Variants in ANO10 observed in about 807,000 individuals in gnomAD.
The protein encoded by ANO10 is anoctamin 10.
ANO10 carries 77 observed loss-of-function variants against 74.7 expected under a neutral mutation model. That is an observed-to-expected ratio of 1.03 (90% CI 0.86 to 1.25). The LOEUF (loss-of-function observed/expected upper bound fraction) is 1.25. Among genes scored for constraint, ANO10 ranks in the 50% most tolerant of loss-of-function variants. The pLI is 0.00. For synonymous variants in ANO10, 279 were observed against 284.9 expected (o/e 0.98, Z 0.21); for missense variants, 721 against 778.1 (o/e 0.93, Z 0.87).
Position 43,398,986 on chromosome 3 carries a change from C to T in ANO10, c.1915-32012G>A, listed in dbSNP as rs545532226. 3.1e-4 allele frequency among the ~76,000 whole-genome samples: 47 copies of T among 152,264 alleles called. No homozygotes were observed. The Middle Eastern group carries it at 0.017, about 55-fold the overall frequency. On this transcript the variant is annotated intron_variant, in intron 12 of 12. Transcript: ENST00000292246. ...TGAACTACAGGCGTGCGACACCATG[C>T]CCAGCTAATTTTTGTATTTTTAGTA... is the stretch of plus-strand genomic sequence containing the variant.
chr3:43,484,883 T>C (rs1256503707), intron 11 of ANO10: 18 of 608,510 alleles, frequency 3.0e-5, no homozygotes, highest in Non-Finnish European at 4.0e-5. Context: ...GCATGACCAA[T>C]TGTCTAAGCA....
intron 11 of ANO10, among the ~76,000 whole-genome samples, chr3:43,443,414 G>A (rs1376042670): frequency 6.6e-6 from 1 of 152,198 alleles, no homozygotes; most frequent in East Asian, 1.9e-4. Context: ...CTGGACTTTA[G>A]GCAGACAAGG....
intron 12 of ANO10, among the ~76,000 whole-genome samples, chr3:43,375,419 G>A (rs2091767704): frequency 6.6e-6 from 1 of 152,146 alleles, no homozygotes; most frequent in African/African-American, 2.4e-5. Flanking sequence ...TTGCACTCCA[G>A]CTTGGGTGAC....
At chr3:43,468,714 CTTTTTTTTTTTTTT>C (rs1408245757) in intron 11 of ANO10, among the ~76,000 whole-genome samples, 1 of 141,414 alleles carries the variant, frequency 7.1e-6, no homozygotes, top group African/African-American at 2.6e-5. Context: ...TTTTTGTTTT[CTTTTTTTTTTTTTT>C]GAGACAGAGT....
rs2079822934 is a variant in ANO10, at chr3:43,557,704, C to T, written c.1477-2235G>A. Among the ~76,000 whole-genome samples, 4 of 136,546 alleles carry T rather than the reference C, an allele frequency of 2.9e-5. No individual in the cohort carries two copies. In the South Asian group the frequency reaches 6.8e-4, roughly 23 times the overall value. The allele number at this position is 136,546 out of a possible 152,430, so 89.6% of individuals were successfully genotyped here. On this transcript the variant is annotated intron_variant, in intron 9 of 12. Transcript: ENST00000292246. ...GAGCCAAGATCGCACCACTGCACTC[C>T]AGCCTGGGCAACAGAGCGAGACTCT...
At chr3:43,609,264 A>G (rs1434020810) in intron 1 of ANO10, among the ~76,000 whole-genome samples, 2 of 152,228 alleles carry the variant, frequency 1.3e-5, no homozygotes, top group African/African-American at 2.4e-5. Flanking sequence ...TTCCTACTAA[A>G]TGAAATCTTC....
intron 8 of ANO10, among the ~76,000 whole-genome samples, chr3:43,564,091 G>T (rs1191060183): frequency 6.6e-6 from 1 of 151,352 alleles, no homozygotes; most frequent in Non-Finnish European, 1.5e-5. Flanking sequence ...GCAGTGCAGT[G>T]GCGTGATCAC....
intron 12 of ANO10, among the ~76,000 whole-genome samples, chr3:43,388,909 A>T (rs868814220): frequency 6.6e-6 from 1 of 152,208 alleles, no homozygotes; most frequent in African/African-American, 2.4e-5. Flanking sequence ...TCTAAGTCTA[A>T]AGTTGCAGCT....
At chr3:43,535,514 T>C (rs2149261398) in intron 11 of ANO10, among the ~76,000 whole-genome samples, 1 of 152,276 alleles carries the variant, frequency 6.6e-6, no homozygotes, top group South Asian at 2.1e-4. Flanking sequence ...GACCTCGTGA[T>C]CCACCTGCTT....
At chr3:43,617,633 G>T (rs1434618649) in intron 1 of ANO10, among the ~76,000 whole-genome samples, 2 of 152,170 alleles carry the variant, frequency 1.3e-5, no homozygotes, top group African/African-American at 4.8e-5. Context: ...GAGGTCAGGG[G>T]AGTGTGTGGA....
intron 12 of ANO10, among the ~76,000 whole-genome samples, chr3:43,372,391 G>T (rs777928658): frequency 6.6e-6 from 1 of 152,086 alleles, no homozygotes; most frequent in African/African-American, 2.4e-5. Flanking sequence ...GGTTTTAAAC[G>T]GGGGGCTGTA....
chr3:43,493,333 G>T (rs1488226840), intron 11 of ANO10, among the ~76,000 whole-genome samples: 11 of 152,006 alleles, frequency 7.2e-5, no homozygotes. Flanking sequence ...TAGGTGACAG[G>T]TTGATAGCAC....
At chr3:43,598,046 C>T (rs1164847555) in intron 4 of ANO10, among the ~76,000 whole-genome samples, 2 of 152,158 alleles carry the variant, frequency 1.3e-5, no homozygotes, top group Non-Finnish European at 1.5e-5. Flanking sequence ...TTGAAGCAAA[C>T]TTGGAATTAT....
chr3:43,686,220 C>G (rs1238503342), intron 1 of ANO10, among the ~76,000 whole-genome samples: 1 of 152,190 alleles, frequency 6.6e-6, no homozygotes, highest in East Asian at 1.9e-4. Context: ...ACCCCATACA[C>G]ACCTTAAAAA....
intron 7 of ANO10, among the ~76,000 whole-genome samples, chr3:43,567,934 A>C (rs550877982): frequency 8.0e-4 from 122 of 152,256 alleles, no homozygotes; most frequent in Admixed American, 3.1e-3. Context: ...GTATTCAGGA[A>C]ACCCATCTCA....
At chr3:43,597,787 A>C (rs2082160587) in intron 4 of ANO10, among the ~76,000 whole-genome samples, 1 of 151,876 alleles carries the variant, frequency 6.6e-6, no homozygotes. Flanking sequence ...ATTTTTAAAA[A>C]GTAAACATGT....
chr3:43,497,783 A>G (rs1435927781), intron 11 of ANO10, among the ~76,000 whole-genome samples: 2 of 152,168 alleles, frequency 1.3e-5, no homozygotes, highest in Admixed American at 6.5e-5. Context: ...ATATATTTAC[A>G]TATTTCTATG....
intron 1 of ANO10, among the ~76,000 whole-genome samples, chr3:43,645,112 T>A (rs7630010): frequency 0.72 from 108,783 of 152,134 alleles, 39,442 homozygotes; most frequent in East Asian, 0.89. Flanking sequence ...TTAGAGATCT[T>A]CAGTGATTCA....
At chr3:43,458,803 C>A (rs1037048381) in intron 11 of ANO10, among the ~76,000 whole-genome samples, 14 of 152,146 alleles carry the variant, frequency 9.2e-5, no homozygotes, top group African/African-American at 3.1e-4. Context: ...CGCTCTCCCT[C>A]CCCTTTCCCC....
Sources: gnomAD v4.1 joint callset for allele counts (sites outside exome capture counted in the v4.1 genomes callset) on GRCh38, gnomAD v4.1.1 for gene constraint, MANE v1.5 for transcripts, NCBI Gene and HGNC (gene_info 2026-07-23, HGNC 2026-07-21) for gene names.